COBL: variants seen among roughly 807,000 people sequenced by gnomAD.
The protein encoded by COBL is cordon-bleu WH2 repeat protein, also known as protein cordon-bleu.
In COBL, 51 loss-of-function variants were observed where a neutral mutation model predicts 98.8. The observed-to-expected ratio is 0.52, with a 90% CI of 0.41 to 0.65. The LOEUF (loss-of-function observed/expected upper bound fraction) is 0.65. Among genes scored for constraint, COBL ranks in the 30% least tolerant of loss-of-function variants. The pLI, the probability that COBL is intolerant of heterozygous loss-of-function variation, is 0.00. For synonymous variants in COBL, 634 were observed against 651.7 expected (o/e 0.97, Z 0.41); for missense variants, 1,617 against 1,617.5 (o/e 1.00, Z 0.01).
chr7:51,103,150 C>T (rs976314769), intron 6 of COBL, among the ~76,000 whole-genome samples: 1 of 152,168 alleles, frequency 6.6e-6, no homozygotes, highest in Non-Finnish European at 1.5e-5. Context: ...CATCAGCAGC[C>T]CCTATCCCCC....
Position 51,157,481 on chromosome 7 carries a change from C to CTG in COBL, c.784-21152_784-21151dup, listed in dbSNP as rs755519652. The stretch of plus-strand genomic sequence containing the variant: ...AGGGCAGGGGGTTGGCCTGGCTCCT[C>CTG]TGTGTGTCTCCAGTGCCCCCTGGTC... On this transcript the variant is annotated intron_variant, in intron 5 of 12. Coordinates refer to ENST00000265136, the MANE Select transcript of COBL (RefSeq NM_015198.5). Among the ~76,000 whole-genome samples, 25 of 152,208 alleles carry CTG rather than the reference C, an allele frequency of 1.6e-4. No homozygotes were observed. In the East Asian group the frequency reaches 2.3e-3, roughly 14 times the overall value.
intron 1 of COBL, among the ~76,000 whole-genome samples, chr7:51,241,442 C>T (rs1169618626): frequency 1.3e-5 from 2 of 152,152 alleles, no homozygotes; most frequent in Non-Finnish European, 2.9e-5. Context: ...CAGAGCTGGT[C>T]CCCTCGGAAG....
In COBL at chr7:51,018,908, ATATAT is replaced by A. The variant is rs1786612543; in HGVS notation, c.3769-1345_3769-1341del. On this transcript the variant is annotated intron_variant, in intron 12 of 12. Coordinates refer to ENST00000265136, the MANE Select transcript of COBL (RefSeq NM_015198.5). ...CTCCATCTCAAAAAAAAAAAAAAAT[ATATAT>A]ATATATATATATATATATATATATA... is the stretch of plus-strand genomic sequence containing the variant. 1.1e-3 allele frequency among the ~76,000 whole-genome samples: 32 copies of A among 30,254 alleles called. 5 individuals are homozygous for A. Among genetic ancestry groups the A allele is most frequent in the African/African-American group, 2.4e-3 (18 of 7,644 alleles). The allele number at this position is 30,254 out of a possible 152,430, so 19.8% of individuals were successfully genotyped here.
chr7:51,259,015 C>A (rs1293834936), intron 1 of COBL, among the ~76,000 whole-genome samples: 2 of 152,038 alleles, frequency 1.3e-5, no homozygotes, highest in African/African-American at 4.8e-5. Flanking sequence ...CGGCCGAGCG[C>A]GGTGGCTCAT....
chr7:51,065,964 GA>G (rs1270184046), intron 7 of COBL, among the ~76,000 whole-genome samples: 1 of 152,182 alleles, frequency 6.6e-6, no homozygotes, highest in Non-Finnish European at 1.5e-5. Flanking sequence ...GGCCTCAGGA[GA>G]AACCAACCCT....
intron 4 of COBL, among the ~76,000 whole-genome samples, chr7:51,185,016 C>T (rs1261147117): frequency 6.6e-6 from 1 of 152,214 alleles, no homozygotes; most frequent in African/African-American, 2.4e-5. Context: ...AAATTACATT[C>T]TCTAGGGGAG....
intron 7 of COBL, among the ~76,000 whole-genome samples, chr7:51,052,214 C>A (rs1790317804): frequency 2.0e-5 from 3 of 152,180 alleles, no homozygotes; most frequent in African/African-American, 7.2e-5. Flanking sequence ...TGTCACCTAT[C>A]CCTGAGGGTG....
intron 4 of COBL, among the ~76,000 whole-genome samples, chr7:51,187,091 C>T (rs1452725951): frequency 6.6e-6 from 1 of 151,952 alleles, no homozygotes; most frequent in African/African-American, 2.4e-5. Context: ...TGAAGCATTA[C>T]AATGATTTGA....
intron 6 of COBL, among the ~76,000 whole-genome samples, chr7:51,090,387 C>T (rs1000220534): frequency 2.0e-5 from 3 of 152,262 alleles, no homozygotes; most frequent in Non-Finnish European, 4.4e-5. Context: ...TCAACTGTGA[C>T]AGCCCTTCCC....
chr7:51,077,724 G>A (rs1238089045), intron 7 of COBL, among the ~76,000 whole-genome samples: 3 of 152,200 alleles, frequency 2.0e-5, no homozygotes, highest in African/African-American at 7.2e-5. Context: ...GTTCCTGAAC[G>A]CTGAATAGGC....
chr7:51,152,443 G>A (rs554921727), intron 5 of COBL, among the ~76,000 whole-genome samples: 8 of 152,076 alleles, frequency 5.3e-5, no homozygotes, highest in African/African-American at 1.4e-4. Flanking sequence ...CCAAGCTGCC[G>A]ACTCCCACAT....
intron 1 of COBL, among the ~76,000 whole-genome samples, chr7:51,249,004 CCATT>C (rs1796501518): frequency 6.6e-6 from 1 of 152,058 alleles, no homozygotes; most frequent in Non-Finnish European, 1.5e-5. Flanking sequence ...AGGTTAAGAC[CCATT>C]CTGAACATAT....
At chr7:51,273,840 C>T (rs1038123628) in intron 1 of COBL, among the ~76,000 whole-genome samples, 14 of 152,156 alleles carry the variant, frequency 9.2e-5, no homozygotes, top group African/African-American at 1.9e-4. Flanking sequence ...GGAATGCCAA[C>T]GCCTCATAAA....
At position 51,143,589 on chromosome 7, in the gene COBL, G is replaced by C. The variant is rs77173492; in HGVS notation, c.784-7258C>G. On this transcript the variant is annotated intron_variant, in intron 5 of 12. Transcript: ENST00000265136. ...GAAAGGAATGAGAAACTCGGCTGTAGATGTGCATGGGGCAGGTCTGGGTGC... is the reference window on the plus strand; with the variant it reads ...GAAAGGAATGAGAAACTCGGCTGTACATGTGCATGGGGCAGGTCTGGGTGC... Among the ~76,000 whole-genome samples, 477 of 152,308 alleles carry C rather than the reference G, an allele frequency of 3.1e-3. 4 individuals carry two copies. The highest frequency in any genetic ancestry group is 0.011 in the African/African-American group (445 of 41,568).
intron 5 of COBL, among the ~76,000 whole-genome samples, chr7:51,157,144 G>T (rs1342559375): frequency 6.6e-6 from 1 of 152,230 alleles, no homozygotes; most frequent in Non-Finnish European, 1.5e-5. Context: ...GCCGAGGCAG[G>T]CGGATCACTT....
chr7:51,293,909 T>C (rs1801143463), intron 1 of COBL, among the ~76,000 whole-genome samples: 1 of 152,000 alleles, frequency 6.6e-6, no homozygotes, highest in Admixed American at 6.5e-5. Context: ...CCATGCTCGG[T>C]AAGGGTGCTG....
At chr7:51,069,331 T>G (rs1456702860) in intron 7 of COBL, among the ~76,000 whole-genome samples, 2 of 152,258 alleles carry the variant, frequency 1.3e-5, no homozygotes, top group Non-Finnish European at 2.9e-5. Flanking sequence ...TGCATCTGCC[T>G]CTCTGGTCCT....
intron 6 of COBL, among the ~76,000 whole-genome samples, chr7:51,122,771 G>A (rs1797853435): frequency 6.6e-6 from 1 of 152,136 alleles, no homozygotes; most frequent in Admixed American, 6.6e-5. Context: ...CTGAGGTCAG[G>A]AGTTCGAGAC....
intron 2 of COBL, among the ~76,000 whole-genome samples, chr7:51,203,842 A>C (rs972667970): frequency 5.3e-5 from 8 of 152,214 alleles, no homozygotes; most frequent in African/African-American, 1.9e-4. Flanking sequence ...TTCCAAAAAA[A>C]TAGAAAAAGA....
Sources: gnomAD v4.1 joint callset for allele counts (sites outside exome capture counted in the v4.1 genomes callset) on GRCh38, gnomAD v4.1.1 for gene constraint, MANE v1.5 for transcripts, NCBI Gene and HGNC (gene_info 2026-07-23, HGNC 2026-07-21) for gene names.